The following PPFIBP1 variants were observed in gnomAD, a reference collection of about 807,000 sequenced individuals.
The protein encoded by PPFIBP1 is liprin-beta-1.
PPFIBP1 carries 112 observed loss-of-function variants against 137.8 expected under a neutral mutation model. The ratio of observed to expected loss-of-function variants is 0.81; its 90% CI spans 0.70 to 0.95. PPFIBP1 has a LOEUF of 0.95. PPFIBP1 is among the 40% of genes least tolerant of loss of function. The probability of loss-of-function intolerance (pLI) is 0.00; values close to 1 mark genes in which losing one functional copy is unlikely to be tolerated. For missense variants in PPFIBP1, 1,083 were observed against 1,196.6 expected (o/e 0.91, Z 1.40); for synonymous variants, 378 against 417.3 (o/e 0.91, Z 1.15).
chr12:27,534,311 A>G (rs1944736686), intron 1 of PPFIBP1, among the ~76,000 whole-genome samples: 1 of 152,192 alleles, frequency 6.6e-6, no homozygotes, highest in African/African-American at 2.4e-5. Flanking sequence ...TGTGATCAGA[A>G]GGGATACGAA....
chr12:27,616,627 A>G (rs1407915448), intron 2 of PPFIBP1, among the ~76,000 whole-genome samples: 1 of 152,188 alleles, frequency 6.6e-6, no homozygotes, highest in Non-Finnish European at 1.5e-5. Context: ...AGAGGAATGG[A>G]AGAGATTGAA....
chr12:27,618,082 T>C (rs1455528000), intron 2 of PPFIBP1, among the ~76,000 whole-genome samples: 1 of 152,238 alleles, frequency 6.6e-6, no homozygotes, highest in East Asian at 1.9e-4. Context: ...CTCTAAGACA[T>C]GAAAGAGTCA....
chr12:27,618,119 A>G lies in PPFIBP1; in HGVS notation c.-35-15243A>G, dbSNP rs562161407. ...AGTCTAACAAGTCCATTAATATTCT[A>G]TTCTTTCCTATGCAGTACTGCAAAG... is the stretch of plus-strand genomic sequence containing the variant. On this transcript the variant is annotated intron_variant, in intron 2 of 29. Coordinates refer to ENST00000228425, the MANE Select transcript of PPFIBP1 (RefSeq NM_003622.4). Among the ~76,000 whole-genome samples the G allele has an allele frequency of 6.6e-5, 10 of 152,328 alleles. No homozygotes were observed. In the East Asian group the frequency reaches 9.6e-4, roughly 15 times the overall value.
intron 25 of PPFIBP1, among the ~76,000 whole-genome samples, chr12:27,687,971 G>A (rs1323029744): frequency 1.3e-5 from 2 of 152,076 alleles, no homozygotes; most frequent in African/African-American, 2.4e-5. Flanking sequence ...GGTGGTCCCA[G>A]CTACTCAGGA....
At chr12:27,629,050 G>A (rs2057071616) in intron 2 of PPFIBP1, among the ~76,000 whole-genome samples, 1 of 152,138 alleles carries the variant, frequency 6.6e-6, no homozygotes, top group Non-Finnish European at 1.5e-5. Flanking sequence ...CAATGGCAGA[G>A]GGCTCCCTGA....
At chr12:27,607,900 T>TA (rs1303614623) in intron 2 of PPFIBP1, among the ~76,000 whole-genome samples, 1 of 147,248 alleles carries the variant, frequency 6.8e-6, no homozygotes, top group Non-Finnish European at 1.5e-5. Context: ...GGAGAATAAT[T>TA]TGAGAACTAT....
chr12:27,567,483 T>C (rs539887860), intron 1 of PPFIBP1, among the ~76,000 whole-genome samples: 1 of 152,344 alleles, frequency 6.6e-6, no homozygotes, highest in South Asian at 2.1e-4. Context: ...AATTACCTTT[T>C]AGACATATGT....
At chr12:27,571,471 T>A (rs1263274139) in intron 1 of PPFIBP1, among the ~76,000 whole-genome samples, 1 of 152,026 alleles carries the variant, frequency 6.6e-6, no homozygotes, top group Non-Finnish European at 1.5e-5. Flanking sequence ...AACCCACCAA[T>A]CCATTTTTTT....
chr12:27,549,721 G>T (rs1946577266), intron 1 of PPFIBP1, among the ~76,000 whole-genome samples: 1 of 152,150 alleles, frequency 6.6e-6, no homozygotes, highest in Non-Finnish European at 1.5e-5. Flanking sequence ...ACCAGCTGGG[G>T]TCCTAGGAAA....
At chr12:27,656,858 C>T (rs2059232195) in intron 9 of PPFIBP1, 128 bp downstream of exon 9, 2 of 630,484 alleles carry the variant, frequency 3.2e-6, no homozygotes, top group African/African-American at 3.7e-5. Flanking sequence ...CAGCCAGGAC[C>T]AGAACCACAG....
At chr12:27,590,185 G>GT (rs113518738) in intron 2 of PPFIBP1, among the ~76,000 whole-genome samples, 5 of 151,372 alleles carry the variant, frequency 3.3e-5, no homozygotes, top group Admixed American at 1.3e-4. Context: ...TGTTTTTTTT[G>GT]TTTTTTTTGA....
chr12:27,542,393 A>G (rs900447806), intron 1 of PPFIBP1, among the ~76,000 whole-genome samples: 4 of 152,206 alleles, frequency 2.6e-5, no homozygotes, highest in Non-Finnish European at 5.9e-5. Flanking sequence ...CTGAGGGACA[A>G]CTGTATTAAA....
chr12:27,561,562 G>C (rs748457190), intron 1 of PPFIBP1, among the ~76,000 whole-genome samples: 1 of 152,096 alleles, frequency 6.6e-6, no homozygotes, highest in Non-Finnish European at 1.5e-5. Context: ...CTCTGATGGC[G>C]TCTCTTTTCC....
intron 5 of PPFIBP1, among the ~76,000 whole-genome samples, chr12:27,646,623 A>G (rs893659374): frequency 2.0e-5 from 3 of 152,116 alleles, no homozygotes; most frequent in Non-Finnish European, 2.9e-5. Context: ...AATATATGTA[A>G]GTTTATATTT....
At chr12:27,682,569 A>G in intron 23 of PPFIBP1, 46 bp from the exon 24 acceptor site, 1 of 1,610,392 alleles carries the variant, frequency 6.2e-7, no homozygotes, top group Non-Finnish European at 8.5e-7. Context: ...AATCACAAGA[A>G]CAGATGTTTT....
chr12:27,646,251 A>G (rs1489564531), intron 5 of PPFIBP1, 103 bp downstream of exon 5: 2 of 889,158 alleles, frequency 2.2e-6, no homozygotes, highest in African/African-American at 3.3e-5. Flanking sequence ...GACTGCTAAT[A>G]GAAATAAGCC....
rs1479078966 is a variant in PPFIBP1, at chr12:27,591,504, G to C, written c.-36+13265G>C. ...ATTTACTGAAAACCCTGAACTTTTG[G>C]TAAATACTGCTCTGTGTGGGAAATG... On this transcript the variant is annotated intron_variant, in intron 2 of 29. Coordinates refer to ENST00000228425, the MANE Select transcript of PPFIBP1 (RefSeq NM_003622.4). Among the ~76,000 whole-genome samples the C allele has an allele frequency of 3.9e-5, 6 of 152,282 alleles. No homozygotes were observed. The South Asian group carries it at 8.3e-4, about 21-fold the overall frequency.
At chr12:27,552,266 T>A (rs1946853406) in intron 1 of PPFIBP1, among the ~76,000 whole-genome samples, 1 of 152,210 alleles carries the variant, frequency 6.6e-6, no homozygotes, top group Non-Finnish European at 1.5e-5. Flanking sequence ...TGCGGGCATT[T>A]CTCCTGCATG....
chr12:27,638,791 C>T (rs1362154227), intron 4 of PPFIBP1, among the ~76,000 whole-genome samples: 1 of 152,138 alleles, frequency 6.6e-6, no homozygotes, highest in South Asian at 2.1e-4. Flanking sequence ...AGAGAAGCTT[C>T]TGGGATATTT....
Sources: gnomAD v4.1 joint callset for allele counts (sites outside exome capture counted in the v4.1 genomes callset) on GRCh38, gnomAD v4.1.1 for gene constraint, MANE v1.5 for transcripts, NCBI Gene and HGNC (gene_info 2026-07-23, HGNC 2026-07-21) for gene names.